Variants in DPYSL2 observed in about 807,000 individuals in gnomAD.
The protein encoded by DPYSL2 is dihydropyrimidinase like 2, also known as dihydropyrimidinase-related protein 2.
DPYSL2 carries 13 observed loss-of-function variants against 69.9 expected under a neutral mutation model. That is an observed-to-expected ratio of 0.19 (90% CI 0.12 to 0.30). DPYSL2 has a LOEUF of 0.30. Among genes scored for constraint, DPYSL2 ranks in the 10% least tolerant of loss-of-function variants. The pLI is 1.00. For missense variants in DPYSL2, 587 were observed against 918.9 expected (o/e 0.64, Z 4.67); for synonymous variants, 326 against 359.1 (o/e 0.91, Z 1.04).
rs1802595630 is a variant in DPYSL2, at chr8:26,625,609, C to G, written c.794-1008C>G. On this transcript the variant is annotated intron_variant, in intron 4 of 13. Transcript: ENST00000521913. ...TAGGGAGGCAAGAACTCCAAGACGC[C>G]AGGATGAGAATTGCGACATCTGCTT... is the stretch of plus-strand genomic sequence containing the variant. 2.6e-5 allele frequency among the ~76,000 whole-genome samples: 4 copies of G among 152,120 alleles called. No homozygotes were observed. The South Asian group carries it at 8.3e-4, about 32-fold the overall frequency.
intron 3 of DPYSL2, among the ~76,000 whole-genome samples, chr8:26,622,657 C>T (rs1802525223): frequency 6.6e-6 from 1 of 152,142 alleles, no homozygotes; most frequent in Admixed American, 6.6e-5. Context: ...CATGTGTCAC[C>T]ATGGCCAGCT....
chr8:26,535,013 A>G (rs1800569089), intron 1 of DPYSL2, among the ~76,000 whole-genome samples: 1 of 152,200 alleles, frequency 6.6e-6, no homozygotes, highest in African/African-American at 2.4e-5. Context: ...CAGTGTCTAC[A>G]TCATTATGTG....
chr8:26,612,722 A>G (rs1802259856), intron 3 of DPYSL2, among the ~76,000 whole-genome samples: 1 of 152,194 alleles, frequency 6.6e-6, no homozygotes, highest in Non-Finnish European at 1.5e-5. Flanking sequence ...TACCCATTGC[A>G]TGTGTTTCCA....
Position 26,582,018 on chromosome 8 carries a change from C to A in DPYSL2, c.404C>A (p.Ser135Ter). 1 of 1,613,912 alleles carries A rather than the reference C, an allele frequency of 6.2e-7. No homozygotes were observed. Among genetic ancestry groups the A allele is most frequent in the South Asian group, 1.1e-5 (1 of 91,052 alleles). The change falls in exon 2 of 14, where the codon TCG becomes TAG. Residue 135 changes from serine (S) to a stop codon, truncating the protein, a stop_gained. Transcript: ENST00000521913. LOFTEE classifies it high-confidence loss of function. The surrounding 1 kb of genome is among the most constrained non-coding windows in gnomAD (Gnocchi z 4.1). ...GGTAAAATTGTTAATGATGACCAGTCGTTCTATGCAGACATATACATGGAA... is the reference window on the plus strand; with the variant it reads ...GGTAAAATTGTTAATGATGACCAGTAGTTCTATGCAGACATATACATGGAA... ...KGGKIVNDDQ[S>*]FYADIYMEDG...
In DPYSL2 at chr8:26,634,977, T is replaced by A. The variant is rs1802875424; in HGVS notation, c.1126+77T>A. 35 of 1,580,856 alleles carry A rather than the reference T, an allele frequency of 2.2e-5. No homozygotes were observed. The South Asian group carries it at 3.9e-4, about 18-fold the overall frequency. On this transcript the variant is annotated intron_variant, in intron 8 of 13. Coordinates refer to ENST00000521913, the MANE Select transcript of DPYSL2 (RefSeq NM_001197293.3). ...AGGGGGGCTCCTCACTAGGGAGGGCTCCTTTTCCAGACCCTCATGCCAAGT... is the reference window on the plus strand; with the variant it reads ...AGGGGGGCTCCTCACTAGGGAGGGCACCTTTTCCAGACCCTCATGCCAAGT...
intron 1 of DPYSL2, among the ~76,000 whole-genome samples, chr8:26,529,676 A>G (rs1339975744): frequency 7.3e-5 from 11 of 151,672 alleles, no homozygotes; most frequent in Non-Finnish European, 1.2e-4. Context: ...ACTAAAACCA[A>G]TGGAGTCCAA....
At chr8:26,566,055 G>T (rs761371331) in intron 1 of DPYSL2, among the ~76,000 whole-genome samples, 4 of 152,226 alleles carry the variant, frequency 2.6e-5, no homozygotes, top group African/African-American at 4.8e-5. Flanking sequence ...AGTGGCCTCT[G>T]CTACATCTCA....
intron 7 of DPYSL2, among the ~76,000 whole-genome samples, chr8:26,628,144 T>TGG (rs1367773106): frequency 6.6e-6 from 1 of 152,228 alleles, no homozygotes; most frequent in Admixed American, 6.5e-5. Flanking sequence ...TAAGGTGGTG[T>TGG]GGACTGTTTC....
intron 3 of DPYSL2, among the ~76,000 whole-genome samples, chr8:26,596,561 A>G (rs932739396): frequency 6.6e-6 from 1 of 152,238 alleles, no homozygotes; most frequent in African/African-American, 2.4e-5. Flanking sequence ...TGGTTAGAAG[A>G]AAGTGAGGAG....
chr8:26,552,225 G>A (rs1226928127), intron 1 of DPYSL2, among the ~76,000 whole-genome samples: 1 of 152,058 alleles, frequency 6.6e-6, no homozygotes, highest in Non-Finnish European at 1.5e-5. Context: ...AAAATTTGTG[G>A]ACCGCAGCAA....
chr8:26,614,148 A>G lies in DPYSL2; in HGVS notation c.629-9995A>G, dbSNP rs1302162199. On this transcript the variant is annotated intron_variant, in intron 3 of 13. Coordinates refer to ENST00000521913, the MANE Select transcript of DPYSL2 (RefSeq NM_001197293.3). The surrounding 1 kb of genome is among the most constrained non-coding windows in gnomAD (Gnocchi z 4.9). ...TGTCTCAAAAAAATAAATAAAAGAT[A>G]AAAAATAAAGAAAATGAGGGTGGAG... Among the ~76,000 whole-genome samples the G allele has an allele frequency of 6.6e-6, 1 of 152,148 alleles. No individual in the cohort carries two copies. Among genetic ancestry groups the G allele is most frequent in the Non-Finnish European group, 1.5e-5 (1 of 68,026 alleles).
At position 26,585,324 on chromosome 8, in the gene DPYSL2, G is replaced by T. The variant is rs991299746; in HGVS notation, c.628+1341G>T. Among the ~76,000 whole-genome samples, 1 of 152,076 alleles carries T rather than the reference G, an allele frequency of 6.6e-6. No homozygotes were observed. On this transcript the variant is annotated intron_variant, in intron 3 of 13. Coordinates refer to ENST00000521913, the MANE Select transcript of DPYSL2 (RefSeq NM_001197293.3). The surrounding 1 kb of genome is among the most constrained non-coding windows in gnomAD (Gnocchi z 4.0). ...CTTTTCTATCTTGCCTGAGCTAGAG[G>T]AATGTTGCCCTGCCATCCCCTCCTA... is the stretch of plus-strand genomic sequence containing the variant.
intron 7 of DPYSL2, among the ~76,000 whole-genome samples, chr8:26,632,293 A>G (rs979112140): frequency 1.3e-5 from 2 of 152,180 alleles, no homozygotes; most frequent in African/African-American, 4.8e-5. Flanking sequence ...TAAGAAAGTG[A>G]TCCTTTCTGA....
chr8:26,526,317 T>C (rs1017959504), intron 1 of DPYSL2, among the ~76,000 whole-genome samples: 3 of 152,138 alleles, frequency 2.0e-5, no homozygotes, highest in Admixed American at 1.3e-4. Context: ...ATGGTCTCCA[T>C]TTCCTGACCT....
intron 3 of DPYSL2, among the ~76,000 whole-genome samples, chr8:26,600,440 G>C (rs1010697440): frequency 1.1e-4 from 17 of 152,034 alleles, no homozygotes; most frequent in African/African-American, 3.6e-4. Flanking sequence ...CGGTTTCTTC[G>C]CATCCTTGCC....
rs1357871885 is a variant in DPYSL2, at chr8:26,593,527, C to G, written c.628+9544C>G. On this transcript the variant is annotated intron_variant, in intron 3 of 13. Transcript: ENST00000521913. The surrounding 1 kb of genome is among the most constrained non-coding windows in gnomAD (Gnocchi z 5.7). ...GGGAGTGGGATCACACTGTTGCTAT[C>G]TGGCCAGGGTGGAGTCTACAGCCAG... 6.6e-6 allele frequency among the ~76,000 whole-genome samples: 1 copy of G among 152,230 alleles called. No homozygotes were observed. The highest frequency in any genetic ancestry group is 2.4e-5 in the African/African-American group (1 of 41,470).
At chr8:26,602,703 A>C (rs778110004) in intron 3 of DPYSL2, among the ~76,000 whole-genome samples, 2 of 152,198 alleles carry the variant, frequency 1.3e-5, no homozygotes, top group Non-Finnish European at 2.9e-5. Context: ...GCTGACATTT[A>C]TTGGCCATCT....
chr8:26,578,387 G>A, intron 1 of DPYSL2: 2 of 1,579,850 alleles, frequency 1.3e-6, no homozygotes, highest in Non-Finnish European at 8.6e-7. Flanking sequence ...GAAAGGAGAG[G>A]GACCGAACTT....
In DPYSL2 at chr8:26,610,746, T is replaced by TTTTC. The variant is rs1802205921; in HGVS notation, c.629-13397_629-13396insTTTC. Among the ~76,000 whole-genome samples the TTTTC allele has an allele frequency of 6.6e-6, 1 of 152,190 alleles. No individual in the cohort carries two copies. Among genetic ancestry groups the TTTTC allele is most frequent in the African/African-American group, 2.4e-5 (1 of 41,440 alleles). On this transcript the variant is annotated intron_variant, in intron 3 of 13. Coordinates refer to ENST00000521913, the MANE Select transcript of DPYSL2 (RefSeq NM_001197293.3). The surrounding 1 kb of genome is among the most constrained non-coding windows in gnomAD (Gnocchi z 4.5). The stretch of plus-strand genomic sequence containing the variant: ...GAACACTTGGAGAAAACTAGTTCTG[T>TTTTC]ACCAGGGATTATGTTCAGCAGGTTT...
Sources: allele counts gnomAD v4.1 joint callset (sites outside exome capture counted in the v4.1 genomes callset), GRCh38; gene constraint gnomAD v4.1.1; non-coding constraint Gnocchi (gnomAD v3.1); transcripts MANE v1.5; gene names NCBI Gene and HGNC (gene_info 2026-07-23, HGNC 2026-07-21).